Variants in PRLR observed in about 807,000 individuals in gnomAD.
The protein encoded by PRLR is hPRL receptor.
Under a neutral mutation model 40.2 loss-of-function variants are expected in PRLR, and 13 were observed. The observed-to-expected ratio is 0.32, with a 90% confidence interval of 0.21 to 0.51. The LOEUF is 0.51. Ranked by LOEUF, PRLR falls within the 20% of genes least tolerant of loss-of-function variation. PRLR has a pLI of 0.97. For synonymous variants in PRLR, 269 were observed against 278.7 expected, an observed-to-expected ratio of 0.97 and a Z score of 0.35; for missense variants, 656 against 747.3, an observed-to-expected ratio of 0.88 and a Z score of 1.42.
At position 35,147,757 on chromosome 5, in the gene PRLR, A is replaced by G. The variant is rs78960018; in HGVS notation, c.-105-29635T>C. On this transcript the variant is annotated intron_variant, in intron 1 of 9. Transcript: ENST00000618457. Reference sequence around the variant, plus strand: ...GGCCTTGGTTTATACATGCACAAATATATTCTAGTGCTCAAGAAGCATAGG... The same window carrying G: ...GGCCTTGGTTTATACATGCACAAATGTATTCTAGTGCTCAAGAAGCATAGG... Among the ~76,000 whole-genome samples, 44 of 152,338 alleles carry G rather than the reference A, an allele frequency of 2.9e-4. No individual in the cohort carries two copies. The East Asian group carries it at 8.5e-3, about 29-fold the overall frequency.
chr5:35,072,065 T>G (rs1445679092), intron 6 of PRLR, among the ~76,000 whole-genome samples: 2 of 151,820 alleles, frequency 1.3e-5, no homozygotes, highest in Non-Finnish European at 2.9e-5. Flanking sequence ...CTGGCTAATT[T>G]TTTTGTACTT....
Position 35,068,294 on chromosome 5 carries a change from T to C in PRLR, c.786-9A>G. The C allele has an allele frequency of 1.2e-6, 2 of 1,607,118 alleles. No homozygotes were observed. The highest frequency in any genetic ancestry group is 1.7e-6 in the Non-Finnish European group (2 of 1,173,624). Reference sequence around the variant, plus strand: ...AGATGCAGGTCACCATGCTATAAAATAATTCATGAGATTGGCTAAATGACT... The same window carrying C: ...AGATGCAGGTCACCATGCTATAAAACAATTCATGAGATTGGCTAAATGACT... On this transcript the variant is annotated splice_polypyrimidine_tract_variant and intron_variant, in intron 8 of 9. Transcript: ENST00000618457.
At chr5:35,133,028 T>C (rs535422930) in intron 1 of PRLR, among the ~76,000 whole-genome samples, 1 of 152,176 alleles carries the variant, frequency 6.6e-6, no homozygotes, top group East Asian at 1.9e-4. Flanking sequence ...ATGGAAGGGG[T>C]GAAAATTTTC....
chr5:35,140,702 A>G (rs964037060), intron 1 of PRLR, among the ~76,000 whole-genome samples: 3 of 152,210 alleles, frequency 2.0e-5, no homozygotes, highest in African/African-American at 7.2e-5. Flanking sequence ...AAGCAGAAAA[A>G]CATCAGGGCT....
chr5:35,079,422 CAG>C (rs1770349188), intron 5 of PRLR, among the ~76,000 whole-genome samples: 1 of 152,154 alleles, frequency 6.6e-6, no homozygotes, highest in African/African-American at 2.4e-5. Context: ...AACAGACAAA[CAG>C]AGAGCCAAAT....
chr5:35,164,899 T>C (rs1398419805), intron 1 of PRLR, among the ~76,000 whole-genome samples: 1 of 152,132 alleles, frequency 6.6e-6, no homozygotes, highest in Non-Finnish European at 1.5e-5. Flanking sequence ...TAATAAGATT[T>C]GATAAGATTG....
rs567799828 is a variant in PRLR at position 35,178,636 on chromosome 5, C to T, written c.-106+51632G>A. ...TTAGTATAACTGAGTCCCATTACCT[C>T]ACTGAATTACGAAATGGAAGTATAG... On this transcript the variant is annotated intron_variant, in intron 1 of 9. Coordinates refer to ENST00000618457, the MANE Select transcript of PRLR (RefSeq NM_000949.7). Among the ~76,000 whole-genome samples, 49 of 152,278 alleles carry T rather than the reference C, an allele frequency of 3.2e-4. No individual in the cohort carries two copies. In the South Asian group the frequency reaches 6.2e-3, roughly 19 times the overall value.
intron 1 of PRLR, chr5:35,195,011 G>T (rs1430924567): frequency 1.3e-5 from 2 of 152,208 alleles, no homozygotes; most frequent in Non-Finnish European, 2.9e-5. Flanking sequence ...AAACGGGTAT[G>T]TGGGAACTGT....
intron 1 of PRLR, among the ~76,000 whole-genome samples, chr5:35,137,571 C>G (rs1773897788): frequency 6.6e-6 from 1 of 152,178 alleles, no homozygotes; most frequent in Non-Finnish European, 1.5e-5. Context: ...TCAGAATAAT[C>G]TCCTTTAACA....
chr5:35,175,617 G>A (rs1178881074), intron 1 of PRLR, among the ~76,000 whole-genome samples: 1 of 152,186 alleles, frequency 6.6e-6, no homozygotes, highest in Non-Finnish European at 1.5e-5. Context: ...CTAAGAACAA[G>A]TCTCCTAAGC....
intron 1 of PRLR, among the ~76,000 whole-genome samples, chr5:35,134,645 C>T (rs1326246033): frequency 6.6e-6 from 1 of 152,178 alleles, no homozygotes; most frequent in Non-Finnish European, 1.5e-5. Flanking sequence ...CCTCAATGAA[C>T]TGGGATTTAA....
rs552601325 is a variant in PRLR at position 35,123,344 on chromosome 5, A to G, written c.-105-5222T>C. On this transcript the variant is annotated intron_variant, in intron 1 of 9. Transcript: ENST00000618457. Reference sequence around the variant, plus strand: ...TGCTTTATTTCATTTAATCTTCATAAGTACACTTTGAGAACCAAGCTTCTT... The same window carrying G: ...TGCTTTATTTCATTTAATCTTCATAGGTACACTTTGAGAACCAAGCTTCTT... 1.1e-4 allele frequency among the ~76,000 whole-genome samples: 17 copies of G among 152,342 alleles called. No homozygotes were observed. In the South Asian group the frequency reaches 3.5e-3, roughly 32 times the overall value.
At chr5:35,131,579 G>C (rs1348864200) in intron 1 of PRLR, among the ~76,000 whole-genome samples, 1 of 152,140 alleles carries the variant, frequency 6.6e-6, no homozygotes, top group African/African-American at 2.4e-5. Flanking sequence ...CCAAACAAAG[G>C]ATGCTGATCC....
At chr5:35,182,302 CA>C (rs2111980623) in intron 1 of PRLR, among the ~76,000 whole-genome samples, 1 of 152,244 alleles carries the variant, frequency 6.6e-6, no homozygotes, top group East Asian at 1.9e-4. Flanking sequence ...TTACTGCCGA[CA>C]AAAATATTTT....
At chr5:35,117,957 T>C (rs985879179) in intron 2 of PRLR, 104 bp downstream of exon 2, 2 of 530,112 alleles carry the variant, frequency 3.8e-6, no homozygotes, top group African/African-American at 4.1e-5. Context: ...TGGTTTGAGA[T>C]GATATTCTGT....
intron 2 of PRLR, among the ~76,000 whole-genome samples, chr5:35,090,962 C>A (rs370294841): frequency 2.6e-5 from 4 of 152,018 alleles, no homozygotes; most frequent in South Asian, 4.2e-4. Context: ...AGGAGCCCCC[C>A]ACGATGCCCG....
At chr5:35,203,387 G>A (rs1009971848) in intron 1 of PRLR, among the ~76,000 whole-genome samples, 2 of 152,148 alleles carry the variant, frequency 1.3e-5, no homozygotes, top group Admixed American at 1.3e-4. Flanking sequence ...TGTTGAGTGT[G>A]TAATTAGAAA....
intron 1 of PRLR, chr5:35,195,645 A>AC (rs5867271): frequency 0.9 from 136,481 of 152,276 alleles, 61,945 homozygotes; most frequent in African/African-American, 0.96. Context: ...GCCGGAGGTA[A>AC]ATCCTCCTCT....
At chr5:35,145,252 G>T (rs1365983501) in intron 1 of PRLR, among the ~76,000 whole-genome samples, 2 of 152,078 alleles carry the variant, frequency 1.3e-5, no homozygotes, top group Non-Finnish European at 2.9e-5. Flanking sequence ...GGAGCATCCG[G>T]TTGTCCTGTG....
Sources: gnomAD v4.1 joint callset for allele counts (sites outside exome capture counted in the v4.1 genomes callset) on GRCh38, gnomAD v4.1.1 for gene constraint, MANE v1.5 for transcripts, NCBI Gene and HGNC (gene_info 2026-07-23, HGNC 2026-07-21) for gene names.